ZNF672: variants seen among roughly 807,000 people sequenced by gnomAD.
The protein encoded by ZNF672 is zinc finger protein 672, also known as hypothetical protein FLJ22301.
For missense variants in ZNF672, 733 were observed against 701.1 expected (o/e 1.05, Z -0.51); for synonymous variants, 358 against 305.6 (o/e 1.17, Z -1.79).
rs758343618 is a variant in ZNF672, at chr1:248,848,201, G to A, written c.927G>A (p.Lys309=). The A allele has an allele frequency of 3.1e-6, 5 of 1,600,308 alleles. No individual in the cohort carries two copies. In the African/African-American group the frequency reaches 6.7e-5, roughly 21 times the overall value. Residue 309 remains lysine, a synonymous_variant, in exon 4 of 4, where the codon AAG becomes AAA. Transcript: ENST00000306562. Reference sequence around the variant, plus strand: ...ACCAGCGCATCCACACGGGCGAGAAGCCCTTCGCGTGCCCCGAGTGCGGCC... The same window carrying A: ...ACCAGCGCATCCACACGGGCGAGAAACCCTTCGCGTGCCCCGAGTGCGGCC... ...VVHQRIHTGE[K]PFACPECGRR...
In ZNF672 at chr1:248,848,286, C is replaced by T. The variant is rs766745854; in HGVS notation, c.1012C>T (p.Pro338Ser). The T allele has an allele frequency of 1.2e-6, 2 of 1,603,002 alleles. No homozygotes were observed. The highest frequency in any genetic ancestry group is 1.7e-6 in the Non-Finnish European group (2 of 1,179,482). The change falls in exon 4 of 4, where the codon CCC becomes TCC. Residue 338 changes from proline to serine, a missense_variant. By Grantham distance (74) the Pro-to-Ser change is moderately conservative (BLOSUM62 -1). Coordinates refer to ENST00000306562, the MANE Select transcript of ZNF672 (RefSeq NM_024836.3). ...CCGGCGCACGCACACGGGCGAGAAG[C>T]CCTACCGCTGCGAACTGTGCGGCAA... ...KHRRTHTGEKPYRCELCGKRF... is the reference protein window; with the variant it reads ...KHRRTHTGEKSYRCELCGKRF...
intron 1 of ZNF672, among the ~76,000 whole-genome samples, chr1:248,842,189 C>T (rs1187586483): frequency 6.6e-6 from 1 of 152,128 alleles, no homozygotes; most frequent in East Asian, 1.9e-4. Flanking sequence ...GGAATCCCTG[C>T]TTCCTGTTAC....
chr1:248,845,036 G>A (rs1007725631), intron 2 of ZNF672, among the ~76,000 whole-genome samples: 2 of 152,212 alleles, frequency 1.3e-5, no homozygotes, highest in Non-Finnish European at 2.9e-5. Context: ...GCCAAAGCGG[G>A]TGGATCACCT....
Position 248,848,014 on chromosome 1 carries a change from G to T in ZNF672, c.740G>T (p.Arg247Leu). 2 of 1,556,344 alleles carry T rather than the reference G, an allele frequency of 1.3e-6. No homozygotes were observed. The highest frequency in any genetic ancestry group is 1.7e-6 in the Non-Finnish European group (2 of 1,151,162). ...AGCGCCACGCTGGTGCGCCACCAGCGCACACACACGGGCGAGAAGCCGTAC... is the reference window on the plus strand; with the variant it reads ...AGCGCCACGCTGGTGCGCCACCAGCTCACACACACGGGCGAGAAGCCGTAC... ...LESATLVRHQ[R>L]THTGEKPYAC... Residue 247 changes from arginine (R) to leucine (L), a missense_variant, in exon 4 of 4, where the codon CGC (arginine) becomes CTC (leucine). By Grantham distance (102) the Arg-to-Leu change is moderately radical (BLOSUM62 -2). Transcript: ENST00000306562.
At chr1:248,841,789 G>A (rs1319668991) in intron 1 of ZNF672, among the ~76,000 whole-genome samples, 2 of 152,218 alleles carry the variant, frequency 1.3e-5, no homozygotes, top group African/African-American at 2.4e-5. Flanking sequence ...GTGGTAGCTC[G>A]AGCCTGTAAT....
rs1284395307 is a variant in ZNF672, at chr1:248,848,238, G to A, written c.964G>A (p.Asp322Asn). The A allele has an allele frequency of 6.2e-7, 1 of 1,601,150 alleles. No individual in the cohort carries two copies. Among genetic ancestry groups the A allele is most frequent in the Non-Finnish European group, 8.5e-7 (1 of 1,177,558 alleles). Residue 322 changes from aspartate (D) to asparagine (N), a missense_variant, in exon 4 of 4, where the codon GAC becomes AAC. Physicochemically the swap from Asp to Asn is conservative, Grantham distance 23. Coordinates refer to ENST00000306562, the MANE Select transcript of ZNF672 (RefSeq NM_024836.3). Reference protein sequence around the residue: ...ACPECGRRFSDRSDLTKHRRT... With the variant: ...ACPECGRRFSNRSDLTKHRRT... Reference sequence around the variant, plus strand: ...CCCCGAGTGCGGCCGCCGCTTCAGCGACCGCTCGGACCTCACCAAGCACCG... The same window carrying A: ...CCCCGAGTGCGGCCGCCGCTTCAGCAACCGCTCGGACCTCACCAAGCACCG...
At chr1:248,839,762 G>A (rs1352976783) in intron 1 of ZNF672, among the ~76,000 whole-genome samples, 12 of 130,090 alleles carry the variant, frequency 9.2e-5, no homozygotes, top group Non-Finnish European at 1.4e-4. Flanking sequence ...TTTTTGAGAC[G>A]GAGTCTTGCT....
intron 1 of ZNF672, among the ~76,000 whole-genome samples, chr1:248,843,781 A>G (rs956449473): frequency 6.6e-6 from 1 of 152,222 alleles, no homozygotes; most frequent in Admixed American, 6.5e-5. Flanking sequence ...CTTTTTTAAT[A>G]CTAAGTCTTT....
intron 3 of ZNF672, among the ~76,000 whole-genome samples, chr1:248,846,080 T>C (rs1214123049): frequency 1.3e-5 from 2 of 152,212 alleles, no homozygotes; most frequent in Admixed American, 6.5e-5. Flanking sequence ...TAGAGCAGAT[T>C]TGGTCTCCGT....
At chr1:248,841,649 C>T (rs985397493) in intron 1 of ZNF672, among the ~76,000 whole-genome samples, 23 of 152,160 alleles carry the variant, frequency 1.5e-4, no homozygotes, top group Non-Finnish European at 2.4e-4. Flanking sequence ...GGGCTCGGCA[C>T]GGTGGCTCAC....
At chr1:248,842,970 A>G (rs948880255) in intron 1 of ZNF672, among the ~76,000 whole-genome samples, 3 of 152,054 alleles carry the variant, frequency 2.0e-5, no homozygotes, top group African/African-American at 7.2e-5. Flanking sequence ...TGGGGTTGGC[A>G]TTTTACCCCC....
At chr1:248,840,619 A>G (rs992297506) in intron 1 of ZNF672, among the ~76,000 whole-genome samples, 266 of 135,308 alleles carry the variant, frequency 2.0e-3, no homozygotes, top group Middle Eastern at 0.015. Context: ...TGTGCAGTGG[A>G]TAGTGCTGTG....
At chr1:248,841,954 A>T (rs1179492946) in intron 1 of ZNF672, among the ~76,000 whole-genome samples, 1 of 152,200 alleles carries the variant, frequency 6.6e-6, no homozygotes, top group Non-Finnish European at 1.5e-5. Context: ...GTGTTGGCTC[A>T]TGATCAGACT....
Position 248,849,160 on chromosome 1 carries a change from G to C in ZNF672, c.*527G>C, listed in dbSNP as rs1002616199. ...TCTGTTTCTGAGAAATGTGGGTATG[G>C]AGGTGGGTGGGAAAGCTCACTTCCA... On this transcript the variant is annotated 3_prime_UTR_variant, in exon 4 of 4. Transcript: ENST00000306562. 1 of 456,262 alleles carries C rather than the reference G, an allele frequency of 2.2e-6. No individual in the cohort carries two copies. The highest frequency in any genetic ancestry group is 2.0e-5 in the African/African-American group (1 of 49,526). 28.3% of individuals were successfully genotyped at this position (456,262 alleles called of 1,614,324 possible). A position where few individuals can be genotyped will look rare whatever the true frequency, so the allele number is the denominator to read the frequency against.
Position 248,848,381 on chromosome 1 carries a change from C to T in ZNF672, c.1107C>T (p.Cys369=), listed in dbSNP as rs1184160542. The T allele has an allele frequency of 1.2e-6, 2 of 1,603,056 alleles. No homozygotes were observed. Among genetic ancestry groups the T allele is most frequent in the East Asian group, 2.2e-5 (1 of 44,866 alleles). ...ATGCCGGCCACAAGCCACACAAATG[C>T]CCCGAGTGCAGCAAGGCCTTCAGCG... is the stretch of plus-strand genomic sequence containing the variant. ...RNHAGHKPHK[C]PECSKAFSVA... The change falls in exon 4 of 4, where the codon TGC becomes TGT. Residue 369 remains cysteine (C), a synonymous_variant. Transcript: ENST00000306562.
In ZNF672 at chr1:248,847,125, C is replaced by A; in HGVS notation, c.-150C>A. The A allele has an allele frequency of 9.4e-7, 1 of 1,068,654 alleles. No individual in the cohort carries two copies. Among genetic ancestry groups the A allele is most frequent in the Non-Finnish European group, 1.3e-6 (1 of 759,636 alleles). The allele number at this position is 1,068,654 out of a possible 1,614,324, so 66.2% of individuals were successfully genotyped here. A position where few individuals can be genotyped will look rare whatever the true frequency, so the allele number is the denominator to read the frequency against. ...CAATGTCTGCCCCTTAGAGAAGAAC[C>A]CTGAAATCAGACCAGTTTTTGCGGC... On this transcript the variant is annotated 5_prime_UTR_variant, in exon 4 of 4. Coordinates refer to ENST00000306562, the MANE Select transcript of ZNF672 (RefSeq NM_024836.3).
intron 3 of ZNF672, among the ~76,000 whole-genome samples, chr1:248,846,017 C>T (rs140148737): frequency 1.2e-4 from 19 of 152,202 alleles, no homozygotes; most frequent in Middle Eastern, 3.4e-3. Context: ...GACAGCTGCC[C>T]GGAGCAACCT....
chr1:248,840,594 G>C (rs1664657870), intron 1 of ZNF672, among the ~76,000 whole-genome samples: 1 of 152,272 alleles, frequency 6.6e-6, no homozygotes, highest in South Asian at 2.1e-4. Context: ...GATGACTGTA[G>C]TCAGAGTATT....
chr1:248,840,321 A>G (rs1257316243), intron 1 of ZNF672, among the ~76,000 whole-genome samples: 1 of 151,914 alleles, frequency 6.6e-6, no homozygotes, highest in African/African-American at 2.4e-5. Context: ...CGAACTCCTG[A>G]CCTCAGGTGA....
Sources: gnomAD v4.1 joint callset for allele counts (sites outside exome capture counted in the v4.1 genomes callset) on GRCh38, gnomAD v4.1.1 for gene constraint, MANE v1.5 for transcripts, NCBI Gene and HGNC (gene_info 2026-07-23, HGNC 2026-07-21) for gene names.